Variants in CACNA1E observed in about 807,000 individuals in gnomAD.
CACNA1E encodes voltage-dependent R-type calcium channel subunit alpha-1E.
Under a neutral mutation model 259.2 loss-of-function variants are expected in CACNA1E, and 40 were observed. That is an observed-to-expected ratio of 0.15 (90% CI 0.12 to 0.20). CACNA1E has a LOEUF of 0.20. CACNA1E is among the 10% of genes least tolerant of loss of function. The pLI, the probability that CACNA1E is intolerant of heterozygous loss-of-function variation, is 1.00. For synonymous variants in CACNA1E, 1,104 were observed against 1,138.5 expected (o/e 0.97, Z 0.61); for missense variants, 1,874 against 3,040.1 (o/e 0.62, Z 9.02).
intron 1 of CACNA1E, among the ~76,000 whole-genome samples, chr1:181,372,828 ATT>A (rs1205982576): frequency 0.011 from 1,168 of 101,628 alleles, 14 homozygotes; most frequent in African/African-American, 0.036. Flanking sequence ...ATATATATAT[ATT>A]TTTTTTTTAA....
intron 6 of CACNA1E, among the ~76,000 whole-genome samples, chr1:181,605,662 C>T (rs1439288862): frequency 2.0e-5 from 3 of 152,190 alleles, no homozygotes; most frequent in Non-Finnish European, 4.4e-5. Context: ...CAGCAGCCCT[C>T]AGAGCAACCT....
At chr1:181,555,301 A>C (rs1406347386) in intron 3 of CACNA1E, among the ~76,000 whole-genome samples, 1 of 152,216 alleles carries the variant, frequency 6.6e-6, no homozygotes, top group Non-Finnish European at 1.5e-5. Flanking sequence ...GGTGGAAGAA[A>C]CAGAATTGCA....
At chr1:181,605,343 G>A (rs1285045093) in intron 6 of CACNA1E, among the ~76,000 whole-genome samples, 4 of 152,074 alleles carry the variant, frequency 2.6e-5, no homozygotes, top group Non-Finnish European at 5.9e-5. Context: ...AAGCAGGTGG[G>A]GGCTGGGAAG....
intron 1 of CACNA1E, among the ~76,000 whole-genome samples, chr1:181,397,450 G>A (rs1020434545): frequency 2.0e-5 from 3 of 152,102 alleles, no homozygotes; most frequent in African/African-American, 7.2e-5. Context: ...ACAGGCATGC[G>A]TCACCACACC....
chr1:181,427,620 T>G (rs978347740), intron 2 of CACNA1E, among the ~76,000 whole-genome samples: 4 of 86,450 alleles, frequency 4.6e-5, no homozygotes, highest in Admixed American at 1.2e-4. Context: ...CCTCTACCAT[T>G]GCAACTCCTC....
At chr1:181,385,907 T>A (rs981830581) in intron 1 of CACNA1E, among the ~76,000 whole-genome samples, 2 of 152,102 alleles carry the variant, frequency 1.3e-5, no homozygotes, top group Non-Finnish European at 2.9e-5. Flanking sequence ...TCATTTATTT[T>A]ACTCTTATTC....
chr1:181,584,198 C>T (rs976574539), intron 6 of CACNA1E, among the ~76,000 whole-genome samples: 4 of 152,238 alleles, frequency 2.6e-5, no homozygotes, highest in African/African-American at 9.6e-5. Flanking sequence ...TCTGCAGTTA[C>T]TCACATCTTT....
In CACNA1E at chr1:181,661,420, G is replaced by T. The variant is rs74127815; in HGVS notation, c.1055+9979G>T. Among the ~76,000 whole-genome samples, 625 of 152,276 alleles carry T rather than the reference G, an allele frequency of 4.1e-3. 6 individuals carry two copies. The highest frequency in any genetic ancestry group is 0.014 in the African/African-American group (596 of 41,542). On this transcript the variant is annotated intron_variant, in intron 7 of 47. Transcript: ENST00000367573. The stretch of plus-strand genomic sequence containing the variant: ...TGGGGGCCAGGTGTCGGATCTGCAG[G>T]ACTCGGGACTGTGTGGGTATGTCTG...
chr1:181,621,865 C>T (rs555402596), intron 6 of CACNA1E, among the ~76,000 whole-genome samples: 70 of 152,266 alleles, frequency 4.6e-4, no homozygotes, highest in Admixed American at 7.2e-4. Flanking sequence ...CTCTACAATA[C>T]ATAGGTAGGG....
intron 7 of CACNA1E, among the ~76,000 whole-genome samples, chr1:181,710,311 G>T (rs919195903): frequency 1.3e-5 from 2 of 151,314 alleles, no homozygotes; most frequent in Admixed American, 1.3e-4. Context: ...AGCCTTTGAA[G>T]TCATCAGGCT....
At chr1:181,319,524 C>A (rs577068586) in intron 1 of CACNA1E, among the ~76,000 whole-genome samples, 5 of 152,258 alleles carry the variant, frequency 3.3e-5, no homozygotes, top group Admixed American at 6.5e-5. Flanking sequence ...CTAAGATGAC[C>A]ATTTCTTGTT....
At chr1:181,438,173 C>T (rs1348194307) in intron 2 of CACNA1E, among the ~76,000 whole-genome samples, 1 of 152,186 alleles carries the variant, frequency 6.6e-6, no homozygotes, top group East Asian at 1.9e-4. Context: ...CAGTTCAGCC[C>T]TCCTTGTTTA....
rs138834096 is a variant in CACNA1E, at chr1:181,355,978, T to C, written c.-15+37855T>C. Among the ~76,000 whole-genome samples, 468 of 152,316 alleles carry C rather than the reference T, an allele frequency of 3.1e-3. 5 individuals are homozygous for C. Among genetic ancestry groups the C allele is most frequent in the African/African-American group, 0.01 (425 of 41,562 alleles). On this transcript the variant is annotated intron_variant, in intron 1 of 11. Transcript: ENST00000524607. ...TATAATATTAAAGTTGTTTTAAGTGTTTCATTTCCTGTTTTCCTTTTTTGC... is the reference window on the plus strand; with the variant it reads ...TATAATATTAAAGTTGTTTTAAGTGCTTCATTTCCTGTTTTCCTTTTTTGC...
intron 44 of CACNA1E, 63 bp from the exon 45 acceptor site, chr1:181,793,602 T>C (rs1234792688): frequency 1.9e-6 from 3 of 1,562,300 alleles, no homozygotes; most frequent in Non-Finnish European, 2.6e-6. Context: ...AATTGTCCAC[T>C]GGACGTGAGA....
intron 38 of CACNA1E, chr1:181,779,475 T>C (rs1660233820): frequency 2.2e-6 from 1 of 455,368 alleles, no homozygotes; most frequent in African/African-American, 2.0e-5. Flanking sequence ...ATGTACAAAT[T>C]AGTGCGGGTG....
At chr1:181,782,135 C>G (rs541467596) in intron 39 of CACNA1E, among the ~76,000 whole-genome samples, 9 of 152,330 alleles carry the variant, frequency 5.9e-5, no homozygotes, top group African/African-American at 1.4e-4. Context: ...CTGAGGAATG[C>G]AGCTCTATTC....
chr1:181,383,416 T>C (rs1308221470), intron 1 of CACNA1E, among the ~76,000 whole-genome samples: 1 of 152,116 alleles, frequency 6.6e-6, no homozygotes, highest in Non-Finnish European at 1.5e-5. Context: ...TCTACACAGG[T>C]ATGATGATGA....
intron 38 of CACNA1E, among the ~76,000 whole-genome samples, chr1:181,777,604 G>T (rs1263536397): frequency 6.6e-6 from 1 of 152,336 alleles, no homozygotes; most frequent in Non-Finnish European, 1.5e-5. Flanking sequence ...GGAGAAGGCA[G>T]CCAGGCCTGC....
chr1:181,613,804 T>C (rs986294922), intron 6 of CACNA1E, among the ~76,000 whole-genome samples: 2 of 152,216 alleles, frequency 1.3e-5, no homozygotes, highest in Non-Finnish European at 2.9e-5. Flanking sequence ...ATAGGGCACT[T>C]TGTCTGCATT....
Sources: gnomAD v4.1 joint callset for allele counts (sites outside exome capture counted in the v4.1 genomes callset) on GRCh38, gnomAD v4.1.1 for gene constraint, MANE v1.5 for transcripts, NCBI Gene and HGNC (gene_info 2026-07-23, HGNC 2026-07-21) for gene names.